IL16: variants seen among roughly 807,000 people sequenced by gnomAD.
The protein encoded by IL16 is pro-interleukin-16.
A neutral mutation model predicts 110.1 loss-of-function variants in IL16; 67 were observed. The ratio of observed to expected loss-of-function variants is 0.61; its 90% CI spans 0.50 to 0.75. The LOEUF (loss-of-function observed/expected upper bound fraction) is 0.75, where lower values mean the gene tolerates loss of function less well. Ranked by LOEUF, IL16 falls within the 30% of genes least tolerant of loss-of-function variation. The pLI is 0.00. For missense variants in IL16, 1,545 were observed against 1,655.0 expected (o/e 0.93, Z 1.15); for synonymous variants, 689 against 662.9 (o/e 1.04, Z -0.61).
intron 1 of IL16, among the ~76,000 whole-genome samples, chr15:81,204,318 T>G (rs1304859255): frequency 6.6e-6 from 1 of 151,996 alleles, no homozygotes; most frequent in Non-Finnish European, 1.5e-5. Flanking sequence ...CTTTATTTCC[T>G]TCTCCTGCCT....
rs368079308 is a variant in IL16, at chr15:81,182,885, G to A, written c.29G>A (p.Arg10Lys). The change falls in exon 1 of 19, where the codon AGA (arginine) becomes AAA (lysine). Residue 10 changes from arginine (R) to lysine (K), a missense_variant. Coordinates refer to the IL16 transcript ENST00000302987. ...AGTTTGCAGAAGAGAGTCTTCCCGA[G>A]AAGGCAGAACGGTGAGTGGAGCTCC... 6 of 1,289,436 alleles carry A rather than the reference G, an allele frequency of 4.7e-6. No individual in the cohort carries two copies. The African/African-American group carries it at 7.6e-5, about 16-fold the overall frequency. The allele number at this position is 1,289,436 out of a possible 1,614,324, so 79.9% of individuals were successfully genotyped here.
chr15:81,189,073 C>T (rs1216929193), intron 1 of IL16, among the ~76,000 whole-genome samples: 1 of 152,016 alleles, frequency 6.6e-6, no homozygotes, highest in South Asian at 2.1e-4. Flanking sequence ...CCCGCCTCAG[C>T]CTCCTAAGTA....
At chr15:81,207,764 A>G (rs1896088311) in intron 1 of IL16, among the ~76,000 whole-genome samples, 1 of 151,132 alleles carries the variant, frequency 6.6e-6, no homozygotes, top group Non-Finnish European at 1.5e-5. Flanking sequence ...TCTTTACTCC[A>G]CCGTTAATAG....
chr15:81,305,836 C>G, intron 16 of IL16, 72 bp from the exon 17 acceptor site: 1 of 1,560,198 alleles, frequency 6.4e-7, no homozygotes, highest in South Asian at 1.2e-5. Context: ...CTAACCGGTT[C>G]AATCCTCCTC....
intron 1 of IL16, among the ~76,000 whole-genome samples, chr15:81,212,431 T>C (rs946726718): frequency 1.1e-4 from 17 of 152,018 alleles, no homozygotes; most frequent in Non-Finnish European, 1.6e-4. Flanking sequence ...TTACTGTAAG[T>C]CAAGATTTTT....
intron 3 of IL16, among the ~76,000 whole-genome samples, chr15:81,262,444 T>C (rs1898195036): frequency 6.6e-6 from 1 of 152,170 alleles, no homozygotes; most frequent in Non-Finnish European, 1.5e-5. Context: ...GTATTATCTG[T>C]AGTTTATTTT....
intron 1 of IL16, among the ~76,000 whole-genome samples, chr15:81,183,359 G>T (rs181151937): frequency 6.6e-6 from 1 of 152,224 alleles, no homozygotes; most frequent in Non-Finnish European, 1.5e-5. Context: ...AGAAGTGAAC[G>T]GAGTGCTGGT....
Position 81,279,725 on chromosome 15 carries a change from C to T in IL16, c.1032C>T (p.Ser344=), listed in dbSNP as rs559778163. The change falls in exon 8 of 19, where the codon AGC becomes AGT. Residue 344 remains serine (S), a synonymous_variant. Coordinates refer to ENST00000683961, the MANE Select transcript of IL16 (RefSeq NM_172217.5). Reference sequence around the variant, plus strand: ...TGGAAAGCCCCTCGGCTCCCATCAGCACCGCCAAGCCCAATTACAGAATCA... The same window carrying T: ...TGGAAAGCCCCTCGGCTCCCATCAGTACCGCCAAGCCCAATTACAGAATCA... ...FALESPSAPI[S]TAKPNYRIMV... is the part of the protein sequence containing the mutation. 2.5e-6 allele frequency: 4 copies of T among 1,614,262 alleles called. No individual in the cohort carries two copies. In the South Asian group the frequency reaches 4.4e-5, roughly 18 times the overall value.
At chr15:81,280,470 A>G (rs1282693065) in intron 8 of IL16, among the ~76,000 whole-genome samples, 1 of 152,202 alleles carries the variant, frequency 6.6e-6, no homozygotes, top group Non-Finnish European at 1.5e-5. Context: ...GAAATCCTTT[A>G]TAGATTTCTA....
At chr15:81,283,359 C>A (rs565018722) in intron 9 of IL16, among the ~76,000 whole-genome samples, 6 of 141,136 alleles carry the variant, frequency 4.3e-5, no homozygotes, top group African/African-American at 1.5e-4. Context: ...AAAAAAAAAC[C>A]CCAAAAACCA....
chr15:81,276,075 T>A (rs913172517), intron 6 of IL16, among the ~76,000 whole-genome samples: 2 of 152,212 alleles, frequency 1.3e-5, no homozygotes, highest in African/African-American at 4.8e-5. Flanking sequence ...GAATTTTTGT[T>A]GTCTATCCTT....
intron 1 of IL16, among the ~76,000 whole-genome samples, chr15:81,189,019 T>C (rs1168676283): frequency 6.6e-6 from 1 of 152,130 alleles, no homozygotes; most frequent in East Asian, 1.9e-4. Flanking sequence ...CAAGGCTCAC[T>C]GCAGCCTTGA....
intron 1 of IL16, among the ~76,000 whole-genome samples, chr15:81,206,425 T>C (rs1231127642): frequency 6.6e-6 from 1 of 152,212 alleles, no homozygotes; most frequent in African/African-American, 2.4e-5. Flanking sequence ...ACCACTATCA[T>C]ATAAGCAGTT....
At chr15:81,295,999 A>G (rs1268868504) in intron 12 of IL16, among the ~76,000 whole-genome samples, 2 of 152,202 alleles carry the variant, frequency 1.3e-5, no homozygotes, top group African/African-American at 2.4e-5. Context: ...CTTGCAGACA[A>G]TCAAATACAG....
In IL16 at chr15:81,197,131, T is replaced by G. The variant is rs1343156509; in HGVS notation, c.-123T>G. ...GATGGCAGCCCCGGGGGACTGTGCA[T>G]AGGGAGGTAGGTGGGCACCAGGTGA... is the stretch of plus-strand genomic sequence containing the variant. On this transcript the variant is annotated 5_prime_UTR_variant, in exon 1 of 19. The change abolishes the stop of an existing upstream ORF in the 5' untranslated region. Transcript: ENST00000683961. 2 of 1,288,278 alleles carry G rather than the reference T, an allele frequency of 1.6e-6. No individual in the cohort carries two copies. The highest frequency in any genetic ancestry group is 2.0e-6 in the Non-Finnish European group (2 of 988,252). The allele number at this position is 1,288,278 out of a possible 1,614,324, so 79.8% of individuals were successfully genotyped here. A position where few individuals can be genotyped will look rare whatever the true frequency, so the allele number is the denominator to read the frequency against.
At chr15:81,277,574 G>C (rs888353797) in intron 6 of IL16, among the ~76,000 whole-genome samples, 1 of 151,962 alleles carries the variant, frequency 6.6e-6, no homozygotes, top group African/African-American at 2.4e-5. Flanking sequence ...CTCTGAAGTA[G>C]TTGGGACTAC....
intron 2 of IL16, among the ~76,000 whole-genome samples, chr15:81,232,781 G>T (rs1897053949): frequency 6.6e-6 from 1 of 152,070 alleles, no homozygotes; most frequent in South Asian, 2.1e-4. Flanking sequence ...GTTAGTAATT[G>T]TTGCCCCTTG....
In IL16 at chr15:81,302,391, A is replaced by G. The variant is rs537617980; in HGVS notation, c.3318+879A>G. The G allele has an allele frequency of 2.2e-3, 338 of 152,384 alleles. 1 individual carries two copies. The highest frequency in any genetic ancestry group is 7.7e-3 in the African/African-American group (320 of 41,590). 9.4% of individuals were successfully genotyped at this position (152,384 alleles called of 1,614,324 possible). On this transcript the variant is annotated intron_variant, in intron 15 of 18. Transcript: ENST00000683961. ...CAGAGCGTGTAAAACACAAAGAGCC[A>G]TCCTGCCTGAGCTGCTCTGGGGAGA...
At chr15:81,238,205 T>G (rs2142090192) in intron 2 of IL16, among the ~76,000 whole-genome samples, 1 of 152,306 alleles carries the variant, frequency 6.6e-6, no homozygotes, top group East Asian at 1.9e-4. Context: ...CCCGGCCTAG[T>G]CTCTGTATTT....
Sources: allele counts gnomAD v4.1 joint callset (sites outside exome capture counted in the v4.1 genomes callset), GRCh38; gene constraint gnomAD v4.1.1; transcripts MANE v1.5; gene names NCBI Gene and HGNC (gene_info 2026-07-23, HGNC 2026-07-21).